The following CCDC174 variants were observed in gnomAD, a reference collection of about 807,000 sequenced individuals.
CCDC174 encodes coiled-coil domain-containing protein 174.
CCDC174 carries 37 observed loss-of-function variants against 57.1 expected under a neutral mutation model. The observed-to-expected ratio is 0.65, with a 90% CI of 0.50 to 0.85. The LOEUF (loss-of-function observed/expected upper bound fraction) is 0.85, where lower values mean the gene tolerates loss of function less well. Ranked by LOEUF, CCDC174 falls within the 40% of genes least tolerant of loss-of-function variation. The pLI, the probability that CCDC174 is intolerant of heterozygous loss-of-function variation, is 0.00. For synonymous variants in CCDC174, 182 were observed against 190.2 expected, an observed-to-expected ratio of 0.96 and a Z score of 0.35; for missense variants, 540 against 574.3, an observed-to-expected ratio of 0.94 and a Z score of 0.61.
rs9840626 is a variant in CCDC174, at chr3:14,661,790, C to T, written c.485+83C>T. The T allele has an allele frequency of 0.12, 150,055 of 1,248,608 alleles. 9,798 individuals are homozygous for T. The highest frequency in any genetic ancestry group is 0.17 in the African/African-American group (11,046 of 66,558). 77.3% of individuals were successfully genotyped at this position (1,248,608 alleles called of 1,614,324 possible). On this transcript the variant is annotated intron_variant, in intron 5 of 10. Transcript: ENST00000383794. ...GGGAGTGATTTTGTTGGGTTGTTATCGAGCCATTTCTCTTTATTCTTCCTG... is the reference window on the plus strand; with the variant it reads ...GGGAGTGATTTTGTTGGGTTGTTATTGAGCCATTTCTCTTTATTCTTCCTG...
chr3:14,661,631 G>T lies in CCDC174; in HGVS notation c.409G>T (p.Ala137Ser). ...ASGAHRDSQK[A>S]GERDDDEENL... The stretch of plus-strand genomic sequence containing the variant: ...TGGTGCCCATAGAGATTCTCAAAAG[G>T]CAGGAGAAAGGGACGACGATGAGGA... The change falls in exon 5 of 11, where the codon GCA becomes TCA. Residue 137 changes from alanine (A) to serine (S), a missense_variant. Ala to Ser is a moderately conservative substitution (Grantham distance 99, BLOSUM62 1). Coordinates refer to ENST00000383794, the MANE Select transcript of CCDC174 (RefSeq NM_016474.5). 6.2e-7 allele frequency: 1 copy of T among 1,614,210 alleles called. No homozygotes were observed. The highest frequency in any genetic ancestry group is 8.5e-7 in the Non-Finnish European group (1 of 1,180,034).
At position 14,670,000 on chromosome 3, in the gene CCDC174, A is replaced by G; in HGVS notation, c.1019A>G (p.Gln340Arg). 1 of 1,612,522 alleles carries G rather than the reference A, an allele frequency of 6.2e-7. No homozygotes were observed. Among genetic ancestry groups the G allele is most frequent in the Non-Finnish European group, 8.5e-7 (1 of 1,179,574 alleles). The change falls in exon 10 of 11, where the codon CAG becomes CGG. Residue 340 changes from glutamine (Q) to arginine (R), a missense_variant. Gln to Arg is a conservative substitution (Grantham distance 43). Coordinates refer to ENST00000383794, the MANE Select transcript of CCDC174 (RefSeq NM_016474.5). ...GTGCCAACCCCACGTCCTGCTGCCCAGAGTAGCAAAGTAGAAGTCATTGTC... is the reference window on the plus strand; with the variant it reads ...GTGCCAACCCCACGTCCTGCTGCCCGGAGTAGCAAAGTAGAAGTCATTGTC... The part of the protein sequence containing the change: ...EAVPTPRPAA[Q>R]SSKVEVIVQE...
rs775183407 is a variant in CCDC174 at position 14,666,806 on chromosome 3, T to G, written c.583T>G (p.Phe195Val). Residue 195 changes from phenylalanine (F) to valine (V), a missense_variant and splice_region_variant, in exon 7 of 11, where the codon TTT (phenylalanine) becomes GTT (valine). Phe to Val is a conservative substitution (Grantham distance 50). Transcript: ENST00000383794. ...EMDKNLQGRL[F>V]ISPANEKTLL... The stretch of plus-strand genomic sequence containing the variant: ...GTTTTTGCTCTGTTTTCCTGCTAGT[T>G]TTATTAGTCCTGCTAATGAAAAAAC... 9.5e-6 allele frequency: 15 copies of G among 1,575,850 alleles called. No individual in the cohort carries two copies. The highest frequency in any genetic ancestry group is 2.8e-5 in the African/African-American group (2 of 72,186).
intron 5 of CCDC174, among the ~76,000 whole-genome samples, chr3:14,663,435 A>G (rs2031218238): frequency 6.6e-6 from 1 of 152,210 alleles, no homozygotes; most frequent in African/African-American, 2.4e-5. Context: ...TCAGAAAAAG[A>G]TTTTAGCAAA....
chr3:14,660,491 G>A (rs1357282293), intron 4 of CCDC174, among the ~76,000 whole-genome samples: 1 of 151,532 alleles, frequency 6.6e-6, no homozygotes, highest in Non-Finnish European at 1.5e-5. Context: ...GCGACGGAGT[G>A]AGATTCAGAT....
chr3:14,661,773 T>C, intron 5 of CCDC174, 66 bp downstream of exon 5: 1 of 1,426,652 alleles, frequency 7.0e-7, no homozygotes, highest in Admixed American at 2.3e-5. Context: ...TTGGGAGTGA[T>C]TTTGTTGGGT....
In CCDC174 at chr3:14,671,375, A is replaced by G. The variant is rs186706639; in HGVS notation, c.*181A>G. Reference sequence around the variant, plus strand: ...GGAAACTTTGGCCACTTGGCTGTTCATTTTATTCTAAGTGGGATAGGGACA... The same window carrying G: ...GGAAACTTTGGCCACTTGGCTGTTCGTTTTATTCTAAGTGGGATAGGGACA... On this transcript the variant is annotated 3_prime_UTR_variant, in exon 11 of 11. Transcript: ENST00000383794. The G allele has an allele frequency of 1.3e-5, 8 of 607,298 alleles. No homozygotes were observed. The East Asian group carries it at 2.0e-4, about 15-fold the overall frequency. 37.6% of individuals were successfully genotyped at this position (607,298 alleles called of 1,614,324 possible).
intron 5 of CCDC174, among the ~76,000 whole-genome samples, chr3:14,664,025 A>G (rs2031237497): frequency 6.6e-6 from 1 of 151,950 alleles, no homozygotes; most frequent in South Asian, 2.1e-4. Flanking sequence ...ATCTGGCTAG[A>G]TGGTTTTCTT....
At chr3:14,654,802 A>AT (rs1330707850) in intron 2 of CCDC174, among the ~76,000 whole-genome samples, 4 of 152,234 alleles carry the variant, frequency 2.6e-5, no homozygotes, top group Non-Finnish European at 5.9e-5. Flanking sequence ...ATCTGGTTCT[A>AT]TAAGTGTTAG....
chr3:14,666,644 T>C (rs1387573883), intron 6 of CCDC174, among the ~76,000 whole-genome samples, 161 bp from the exon 7 acceptor site: 2 of 151,004 alleles, frequency 1.3e-5, no homozygotes, highest in Admixed American at 1.3e-4. Flanking sequence ...AGGCGAAGGC[T>C]GTTTTATTGA....
intron 7 of CCDC174, 137 bp from the exon 8 acceptor site, chr3:14,667,287 T>C (rs2031373290): frequency 1.4e-6 from 1 of 729,264 alleles, no homozygotes; most frequent in East Asian, 2.6e-5. Flanking sequence ...GTTTCTTCGC[T>C]TAGCTGTTTT....
Position 14,661,703 on chromosome 3 carries a change from G to A in CCDC174, c.481G>A (p.Glu161Lys). ...CCCTCCTCCCCAAGACCCCAGTGAA[G>A]AATGGTTGGTAACATCATGGATTAG... ...EIPPPQDPSE[E>K]WVDYVDSLGR... The change falls in exon 5 of 11, where the codon GAA (glutamate) becomes AAA (lysine). Residue 161 changes from glutamate to lysine, a missense_variant. Coordinates refer to ENST00000383794, the MANE Select transcript of CCDC174 (RefSeq NM_016474.5). 6.2e-7 allele frequency: 1 copy of A among 1,610,518 alleles called. No homozygotes were observed. The highest frequency in any genetic ancestry group is 2.2e-5 in the East Asian group (1 of 44,882).
intron 1 of CCDC174, among the ~76,000 whole-genome samples, chr3:14,653,270 T>C (rs1290164431): frequency 6.6e-6 from 1 of 152,218 alleles, no homozygotes; most frequent in Non-Finnish European, 1.5e-5. Flanking sequence ...CTCTTAAAGT[T>C]AAAGGCAGTT....
chr3:14,659,695 A>C (rs2031063930), intron 4 of CCDC174, among the ~76,000 whole-genome samples: 1 of 151,890 alleles, frequency 6.6e-6, no homozygotes. Flanking sequence ...GTGTGACCCT[A>C]TCTCTAAAAA....
chr3:14,655,500 C>T (rs1559379141), intron 2 of CCDC174, 29 bp from the exon 3 acceptor site: 1 of 1,459,860 alleles, frequency 6.8e-7, no homozygotes, highest in Non-Finnish European at 9.4e-7. Flanking sequence ...TCATGTGGTT[C>T]TGTTTTGTCT....
At chr3:14,665,000 T>C (rs1313111067) in intron 5 of CCDC174, 28 bp from the exon 6 acceptor site, 5 of 1,552,686 alleles carry the variant, frequency 3.2e-6, no homozygotes, top group Admixed American at 1.7e-5. Flanking sequence ...TACAAGTCCT[T>C]CTTCACATCT....
intron 3 of CCDC174, among the ~76,000 whole-genome samples, chr3:14,658,642 A>G (rs1296028815): frequency 2.6e-5 from 4 of 152,214 alleles, no homozygotes; most frequent in Non-Finnish European, 5.9e-5. Flanking sequence ...AGTAATAAAT[A>G]AGAGGACACA....
Position 14,667,472 on chromosome 3 carries a change from A to G in CCDC174, c.773A>G (p.Glu258Gly), listed in dbSNP as rs1447055180. 6.2e-7 allele frequency: 1 copy of G among 1,613,900 alleles called. No individual in the cohort carries two copies. The highest frequency in any genetic ancestry group is 1.1e-5 in the South Asian group (1 of 91,060). Residue 258 changes from glutamate to glycine, a missense_variant, in exon 8 of 11, where the codon GAG becomes GGG. By Grantham distance (98) the Glu-to-Gly change is moderately conservative. Coordinates refer to ENST00000383794, the MANE Select transcript of CCDC174 (RefSeq NM_016474.5). ...VGYFAFARDK[E>G]LRNKQMKTLE... ...TATTTTGCCTTTGCCCGAGACAAAGAGTTGAGAAACAAGCAGATGAAAACC... is the reference window on the plus strand; with the variant it reads ...TATTTTGCCTTTGCCCGAGACAAAGGGTTGAGAAACAAGCAGATGAAAACC...
chr3:14,657,498 A>G (rs1376825096), intron 3 of CCDC174, among the ~76,000 whole-genome samples: 1 of 152,210 alleles, frequency 6.6e-6, no homozygotes, highest in Non-Finnish European at 1.5e-5. Flanking sequence ...CTTTAAAGTC[A>G]CTAGTGACAT....
Sources: gnomAD v4.1 joint callset for allele counts (sites outside exome capture counted in the v4.1 genomes callset) on GRCh38, gnomAD v4.1.1 for gene constraint, MANE v1.5 for transcripts, NCBI Gene and HGNC (gene_info 2026-07-23, HGNC 2026-07-21) for gene names.